Variants in UBA52 observed in about 807,000 individuals in gnomAD.
UBA52 encodes the protein ubiquitin-ribosomal protein eL40 fusion protein.
In UBA52, 1 loss-of-function variant was observed where a neutral mutation model predicts 15.3. That is an observed-to-expected ratio of 0.07 (90% CI 0.02 to 0.31). UBA52 has a LOEUF of 0.31. Among genes scored for constraint, UBA52 ranks in the 10% least tolerant of loss-of-function variants. The pLI is 1.00. For missense variants in UBA52, 87 were observed against 168.0 expected, an observed-to-expected ratio of 0.52 and a Z score of 2.66; for synonymous variants, 50 against 58.3, an observed-to-expected ratio of 0.86 and a Z score of 0.65.
At chr19:18,570,507 CTTTT>C (rs1555752289), upstream of UBA52, among the ~76,000 whole-genome samples, 4 of 44,786 alleles carry the variant, frequency 8.9e-5, no homozygotes, top group African/African-American at 1.3e-4. Context: ...CGCCGTGGCA[CTTTT>C]TTTTTTTTTT....
At chr19:18,567,403 CAGGAGAATG>C, upstream of UBA52, 1 of 657,924 alleles carries the variant, frequency 1.5e-6, no homozygotes, top group Admixed American at 2.3e-5. Flanking sequence ...GGAGGCCGCA[CAGGAGAATG>C]TGGATAAGCA....
upstream of UBA52, chr19:18,571,785 T>C (rs1302472567): frequency 6.6e-6 from 1 of 152,286 alleles, no homozygotes; most frequent in Non-Finnish European, 1.5e-5. Context: ...GCGCGAATTG[T>C]GACGCAGGCG....
intron 1 of UBA52, chr19:18,572,454 C>T (rs1042406208): frequency 6.6e-6 from 1 of 152,176 alleles, no homozygotes; most frequent in Admixed American, 6.6e-5. Flanking sequence ...CTCAGCCTCC[C>T]GAGTAGCTGG....
chr19:18,572,783 G>T (rs1334003486), intron 1 of UBA52: 2 of 1,003,276 alleles, frequency 2.0e-6, no homozygotes, highest in Middle Eastern at 5.1e-4. Context: ...AGTGTTGGGT[G>T]CTCCAGCTTG....
chr19:18,565,283 G>T, the UBA52 span: 24 of 923,854 alleles, frequency 2.6e-5, no homozygotes, highest in Admixed American at 3.5e-5. Flanking sequence ...AGGCTGGAGT[G>T]CAGTGGCGCG....
the UBA52 span, among the ~76,000 whole-genome samples, chr19:18,565,937 C>T: frequency 6.6e-6 from 1 of 152,336 alleles, no homozygotes; most frequent in Admixed American, 6.5e-5. Context: ...CTCTGCCTGC[C>T]TCGGCCTCCT....
At chr19:18,567,272 A>G, upstream of UBA52, 4 of 1,309,244 alleles carry the variant, frequency 3.1e-6, no homozygotes, top group South Asian at 2.4e-5. Flanking sequence ...TGATACTGAG[A>G]CCAGGCTGTA....
chr19:18,573,135 G>C (rs1453104652), intron 1 of UBA52, 158 bp from the exon 2 acceptor site: 1 of 1,110,034 alleles, frequency 9.0e-7, no homozygotes, highest in Non-Finnish European at 1.3e-6. Context: ...AGCCTAGCAG[G>C]GCCAGGCTTG....
chr19:18,568,585 T>C (rs767703403), upstream of UBA52: 1 of 1,613,174 alleles, frequency 6.2e-7, no homozygotes, highest in East Asian at 2.2e-5. Context: ...TCCCCAGCCA[T>C]CAACGGCCGC....
chr19:18,573,883 G>C, intron 3 of UBA52, 135 bp downstream of exon 3: 1 of 824,404 alleles, frequency 1.2e-6, no homozygotes. Flanking sequence ...GGGCACAGTG[G>C]CTCATGCCTG....
At chr19:18,574,449 C>T (rs975553269) in intron 3 of UBA52, among the ~76,000 whole-genome samples, 2 of 151,812 alleles carry the variant, frequency 1.3e-5, no homozygotes, top group African/African-American at 2.4e-5. Context: ...CCACCACGCC[C>T]AGCTAATTTT....
upstream of UBA52, chr19:18,569,016 C>G (rs1023824019): frequency 6.5e-5 from 16 of 247,774 alleles, no homozygotes; most frequent in African/African-American, 3.6e-4. Flanking sequence ...CCTTGAGGTG[C>G]ACAAGCACGG....
intron 3 of UBA52, 65 bp from the exon 4 acceptor site, chr19:18,574,805 C>T: frequency 6.3e-7 from 1 of 1,593,120 alleles, no homozygotes; most frequent in African/African-American, 1.3e-5. Context: ...CCTGGAGGGT[C>T]CTGCCCCTGT....
At chr19:18,565,279 G>C in the UBA52 span, 5 of 994,846 alleles carry the variant, frequency 5.0e-6, no homozygotes, top group Non-Finnish European at 6.8e-6. Flanking sequence ...GCCCAGGCTG[G>C]AGTGCAGTGG....
At chr19:18,571,310 C>CAAAAAAA (rs756456955), upstream of UBA52, among the ~76,000 whole-genome samples, 1 of 108,250 alleles carries the variant, frequency 9.2e-6, no homozygotes, top group African/African-American at 3.7e-5. Context: ...AACTCCGTCT[C>CAAAAAAA]AAAAAAAAAA....
At position 18,573,418 on chromosome 19, in the gene UBA52, G is replaced by A. The variant is rs909808261; in HGVS notation, c.103+15G>A. 1 of 1,607,210 alleles carries A rather than the reference G, an allele frequency of 6.2e-7. No individual in the cohort carries two copies. Among genetic ancestry groups the A allele is most frequent in the African/African-American group, 1.3e-5 (1 of 74,784 alleles). On this transcript the variant is annotated intron_variant, in intron 2 of 4. Transcript: ENST00000442744. ...AGACAAGGAGGGTGAGTAGGGCTGG[G>A]TGTGGGGGCTCTGGCTGTGAACTGG...
chr19:18,564,740 C>T, the UBA52 span: 1 of 1,028,616 alleles, frequency 9.7e-7, no homozygotes, highest in Non-Finnish European at 1.5e-6. Flanking sequence ...TAGAACTCTG[C>T]AGGACAAGGG....
upstream of UBA52, chr19:18,567,247 G>A: frequency 6.6e-7 from 1 of 1,504,258 alleles, no homozygotes. Context: ...GCTTCTGGAA[G>A]GCCACCTTGG....
the UBA52 span, among the ~76,000 whole-genome samples, chr19:18,564,212 A>G: frequency 6.6e-6 from 1 of 152,022 alleles, no homozygotes; most frequent in African/African-American, 2.4e-5. Flanking sequence ...GGTCAGATTC[A>G]GACCTGGCTC....
Sources: gnomAD v4.1 joint callset for allele counts (sites outside exome capture counted in the v4.1 genomes callset) on GRCh38, gnomAD v4.1.1 for gene constraint, MANE v1.5 for transcripts, NCBI Gene and HGNC (gene_info 2026-07-23, HGNC 2026-07-21) for gene names.